TNNC2: variants seen among roughly 807,000 people sequenced by gnomAD.
The protein encoded by TNNC2 is troponin C, skeletal muscle.
TNNC2 carries 14 observed loss-of-function variants against 20.0 expected under a neutral mutation model. That is an observed-to-expected ratio of 0.70 (90% CI 0.46 to 1.09). TNNC2 has a LOEUF of 1.09. TNNC2 is among the 50% of genes least tolerant of loss of function. The pLI, the probability that TNNC2 is intolerant of heterozygous loss-of-function variation, is 0.00. For missense variants in TNNC2, 163 were observed against 223.8 expected (o/e 0.73, Z 1.73); for synonymous variants, 81 against 77.3 (o/e 1.05, Z -0.25).
upstream of TNNC2, among the ~76,000 whole-genome samples, chr20:45,828,331 C>T (rs1265774054): frequency 6.6e-6 from 1 of 152,036 alleles, no homozygotes; most frequent in African/African-American, 2.4e-5. Flanking sequence ...AGGCACCATG[C>T]CCACCCATGT....
At chr20:45,830,519 A>G (rs1449378093), upstream of TNNC2, among the ~76,000 whole-genome samples, 1 of 152,052 alleles carries the variant, frequency 6.6e-6, no homozygotes, top group African/African-American at 2.4e-5. Context: ...CACTGTGTCC[A>G]GACCAGGGAG....
chr20:45,831,130 A>G (rs1037443012), upstream of TNNC2, among the ~76,000 whole-genome samples: 3 of 152,140 alleles, frequency 2.0e-5, no homozygotes, highest in African/African-American at 2.4e-5. Flanking sequence ...TACAAAAAAT[A>G]AAATACTAGC....
At chr20:45,832,283 CT>C (rs1983133793), upstream of TNNC2, among the ~76,000 whole-genome samples, 1 of 152,146 alleles carries the variant, frequency 6.6e-6, no homozygotes, top group Non-Finnish European at 1.5e-5. Context: ...GTACTCCAGC[CT>C]GGGCGACAGA....
upstream of TNNC2, among the ~76,000 whole-genome samples, chr20:45,829,906 C>T (rs981691716): frequency 3.9e-5 from 6 of 151,936 alleles, no homozygotes; most frequent in Non-Finnish European, 7.4e-5. Flanking sequence ...TGAGCCCAGC[C>T]TTTGTTCTTT....
intron 1 of TNNC2, among the ~76,000 whole-genome samples, chr20:45,825,539 A>G (rs1272568938): frequency 6.6e-6 from 1 of 151,304 alleles, no homozygotes; most frequent in Non-Finnish European, 1.5e-5. Flanking sequence ...TGATCCGCCC[A>G]CCTCGGCTTC....
upstream of TNNC2, among the ~76,000 whole-genome samples, chr20:45,829,406 C>T (rs192547360): frequency 2.7e-3 from 414 of 152,062 alleles, 1 homozygote; most frequent in South Asian, 5.2e-3. Flanking sequence ...TCAGGTGATC[C>T]GCCCACCTCA....
chr20:45,824,190 C>T (rs73308429), intron 4 of TNNC2, 63 bp from the exon 5 acceptor site: 26 of 1,600,460 alleles, frequency 1.6e-5, no homozygotes, highest in Middle Eastern at 3.3e-4. Flanking sequence ...CCACCACACT[C>T]GACGCCCCGC....
upstream of TNNC2, among the ~76,000 whole-genome samples, chr20:45,832,105 T>C (rs1601059581): frequency 6.6e-6 from 1 of 152,040 alleles, no homozygotes; most frequent in Admixed American, 6.6e-5. Flanking sequence ...TGAGGCCAGG[T>C]GTTCCAGATC....
intron 2 of TNNC2, chr20:45,833,189 AGAGAGAGAG>A (rs1983178738): frequency 6.6e-6 from 1 of 152,002 alleles, no homozygotes; most frequent in Non-Finnish European, 1.5e-5. Context: ...AGAAAGAAAG[AGAGAGAGAG>A]AAAGAAAGAA....
upstream of TNNC2, among the ~76,000 whole-genome samples, chr20:45,831,566 T>C (rs911749798): frequency 4.0e-5 from 6 of 151,634 alleles, no homozygotes; most frequent in Admixed American, 6.6e-5. Flanking sequence ...GAGTGTGCCA[T>C]TGGACTCCAG....
intron 2 of TNNC2, 65 bp from the exon 3 acceptor site, chr20:45,824,703 C>CT (rs1235794140): frequency 5.1e-6 from 8 of 1,579,198 alleles, no homozygotes; most frequent in South Asian, 2.3e-5. Flanking sequence ...CCTACCCCCC[C>CT]CCAACCCCCA....
At chr20:45,833,066 C>T (rs887331027) in intron 2 of TNNC2, among the ~76,000 whole-genome samples, 2 of 152,078 alleles carry the variant, frequency 1.3e-5, no homozygotes, top group African/African-American at 4.8e-5. Context: ...TGACCTGAGC[C>T]CAGGGAGGCG....
chr20:45,825,087 A>G (rs1056166854), intron 1 of TNNC2, among the ~76,000 whole-genome samples: 4 of 151,536 alleles, frequency 2.6e-5, no homozygotes, highest in African/African-American at 9.7e-5. Context: ...GGGCTCAAGC[A>G]ATCGTCCCAC....
intron 2 of TNNC2, 33 bp from the exon 3 acceptor site, chr20:45,824,671 CT>C: frequency 6.2e-7 from 1 of 1,606,314 alleles, no homozygotes; most frequent in Non-Finnish European, 8.5e-7. Context: ...GAGGTGAGGC[CT>C]GCTGGACTGT....
upstream of TNNC2, among the ~76,000 whole-genome samples, chr20:45,829,498 G>C (rs149700217): frequency 9.2e-5 from 14 of 151,776 alleles, no homozygotes; most frequent in East Asian, 2.8e-3. Context: ...AGGTTTCATC[G>C]ACCGGGCACG....
At position 45,824,641 on chromosome 20, in the gene TNNC2, G is replaced by T; in HGVS notation, c.56-3C>A. Reference sequence around the variant, plus strand: ...CATGTCAAAGGCAGCCTTGAACTCTGCGAGGGAGGGCAGAGGGCAGAGGTG... The same window carrying T: ...CATGTCAAAGGCAGCCTTGAACTCTTCGAGGGAGGGCAGAGGGCAGAGGTG... On this transcript the variant is annotated splice_region_variant and splice_polypyrimidine_tract_variant and intron_variant, in intron 2 of 5. Coordinates refer to ENST00000372555, the MANE Select transcript of TNNC2 (RefSeq NM_003279.3). 6.2e-7 allele frequency: 1 copy of T among 1,608,570 alleles called. No individual in the cohort carries two copies.
chr20:45,828,197 C>CTT (rs10630967), upstream of TNNC2, among the ~76,000 whole-genome samples: 548 of 142,292 alleles, frequency 3.9e-3, 19 homozygotes, highest in African/African-American at 9.6e-3. Flanking sequence ...CCACCCCTGG[C>CTT]TTTTTTTTTT....
In TNNC2 at chr20:45,824,848, A is replaced by G. The variant is rs1409437112; in HGVS notation, c.4-14T>C. ...CTGCTGGTCCGTCTGCAGGAGACAC[A>G]GAGAAAGTCTGAGCTGAAGAGGCAG... On this transcript the variant is annotated splice_polypyrimidine_tract_variant and intron_variant, in intron 1 of 5. Transcript: ENST00000372555. The G allele has an allele frequency of 1.2e-6, 2 of 1,614,008 alleles. No individual in the cohort carries two copies. Among genetic ancestry groups the G allele is most frequent in the African/African-American group, 2.7e-5 (2 of 74,898 alleles).
Position 45,824,365 on chromosome 20 carries a change from CCAT to C in TNNC2, c.238_240del (p.Met80del), listed in dbSNP as rs1448907323. 3.0e-5 allele frequency: 48 copies of C among 1,610,988 alleles called. No homozygotes were observed. Among genetic ancestry groups the C allele is most frequent in the Non-Finnish European group, 3.8e-5 (45 of 1,180,012 alleles). ...TTCGCGTCCTCTTTCATCTGGCGCA[CCAT>C]CATGACCAAGAACTCCTCGAAGTCG... is the stretch of plus-strand genomic sequence containing the variant. On this transcript the variant is annotated inframe_deletion, in exon 4 of 6. Coordinates refer to ENST00000372555, the MANE Select transcript of TNNC2 (RefSeq NM_003279.3).
Sources: allele counts gnomAD v4.1 joint callset (sites outside exome capture counted in the v4.1 genomes callset), GRCh38; gene constraint gnomAD v4.1.1; transcripts MANE v1.5; gene names NCBI Gene and HGNC (gene_info 2026-07-23, HGNC 2026-07-21).